MGAT4C: variants seen among roughly 807,000 people sequenced by gnomAD.
MGAT4C encodes alpha-1,3-mannosyl-glycoprotein 4-beta-N-acetylglucosaminyltransferase C.
Under a neutral mutation model 40.1 loss-of-function variants are expected in MGAT4C, and 19 were observed. That is an observed-to-expected ratio of 0.47 (90% confidence interval 0.33 to 0.70). MGAT4C has a LOEUF of 0.70. MGAT4C is among the 30% of genes least tolerant of loss of function. The pLI is 0.02. For synonymous variants in MGAT4C, 181 were observed against 187.1 expected, an observed-to-expected ratio of 0.97 and a Z score of 0.27; for missense variants, 491 against 563.2, an observed-to-expected ratio of 0.87 and a Z score of 1.30.
intron 3 of MGAT4C, among the ~76,000 whole-genome samples, chr12:86,341,663 G>C (rs1358733453): frequency 6.6e-6 from 1 of 152,114 alleles, no homozygotes; most frequent in African/African-American, 2.4e-5. Flanking sequence ...AGGAGCCTTT[G>C]CCATTCCAGC....
intron 2 of MGAT4C, among the ~76,000 whole-genome samples, chr12:86,518,510 A>T (rs1433608419): frequency 5.9e-5 from 9 of 152,226 alleles, no homozygotes; most frequent in Admixed American, 4.6e-4. Context: ...CCATTATAAT[A>T]GCTAAACTCA....
intron 2 of MGAT4C, among the ~76,000 whole-genome samples, chr12:86,679,567 C>T (rs1182502161): frequency 1.3e-5 from 2 of 151,862 alleles, no homozygotes; most frequent in Non-Finnish European, 2.9e-5. Context: ...AAATCCTGTC[C>T]CCCAAGATGA....
chr12:86,297,016 G>A (rs1457004598), intron 4 of MGAT4C, among the ~76,000 whole-genome samples: 1 of 152,202 alleles, frequency 6.6e-6, no homozygotes, highest in Non-Finnish European at 1.5e-5. Context: ...ACAAGTTTAA[G>A]TTGTAGATAT....
intron 2 of MGAT4C, among the ~76,000 whole-genome samples, chr12:86,606,083 T>G (rs78399994): frequency 0.026 from 3,908 of 152,006 alleles, 81 homozygotes; most frequent in Non-Finnish European, 0.036. Context: ...GAGCCTCTTA[T>G]AAAACCATTA....
At chr12:86,188,917 A>G (rs1233530923) in intron 1 of MGAT4C, among the ~76,000 whole-genome samples, 1 of 151,960 alleles carries the variant, frequency 6.6e-6, no homozygotes, top group African/African-American at 2.4e-5. Context: ...AAATAAGTTT[A>G]TAAATAATGC....
chr12:86,638,515 C>A (rs1189351147), intron 2 of MGAT4C, among the ~76,000 whole-genome samples: 1 of 151,668 alleles, frequency 6.6e-6, no homozygotes, highest in Non-Finnish European at 1.5e-5. Flanking sequence ...GGATTAGTAC[C>A]TTTATAAGAA....
chr12:86,319,638 T>C (rs1315929270), intron 4 of MGAT4C, among the ~76,000 whole-genome samples: 1 of 152,178 alleles, frequency 6.6e-6, no homozygotes, highest in African/African-American at 2.4e-5. Flanking sequence ...CACTAGGATG[T>C]TGTCTCTATT....
intron 1 of MGAT4C, among the ~76,000 whole-genome samples, chr12:86,051,940 T>C (rs991610377): frequency 6.6e-6 from 1 of 151,728 alleles, no homozygotes; most frequent in Admixed American, 6.6e-5. Flanking sequence ...TGTGCTAGCA[T>C]AAAATATTTC....
intron 2 of MGAT4C, among the ~76,000 whole-genome samples, chr12:86,466,329 A>T (rs1244780141): frequency 6.6e-6 from 1 of 152,242 alleles, no homozygotes. Context: ...ATACTGTGGT[A>T]CATCCAGTCA....
intron 4 of MGAT4C, among the ~76,000 whole-genome samples, chr12:86,264,155 T>A (rs939755940): frequency 1.3e-5 from 2 of 152,202 alleles, no homozygotes; most frequent in African/African-American, 4.8e-5. Flanking sequence ...CTGTTGATTG[T>A]TTCTTTTGCT....
chr12:86,238,076 C>G (rs1398973335), intron 1 of MGAT4C, among the ~76,000 whole-genome samples: 3 of 151,804 alleles, frequency 2.0e-5, no homozygotes, highest in Non-Finnish European at 4.4e-5. Flanking sequence ...AGTCATTTCC[C>G]TTTACTTTTT....
At chr12:86,242,957 A>G (rs1951851792) in intron 1 of MGAT4C, among the ~76,000 whole-genome samples, 1 of 152,182 alleles carries the variant, frequency 6.6e-6, no homozygotes, top group African/African-American at 2.4e-5. Context: ...TAAGCAGATT[A>G]ACATTAAGGT....
rs541657897 is a variant in MGAT4C, at chr12:85,973,140, A to T, written c.*6149T>A. ...GAACTGCCACATATCTCTGTGCCATACTTTTGGTACCTTCATAATAAACGG... is the reference window on the plus strand; with the variant it reads ...GAACTGCCACATATCTCTGTGCCATTCTTTTGGTACCTTCATAATAAACGG... On this transcript the variant is annotated 3_prime_UTR_variant, in exon 5 of 5. Coordinates refer to ENST00000611864, the MANE Select transcript of MGAT4C (RefSeq NM_001351288.2). 20 of 150,882 alleles carry T rather than the reference A, an allele frequency of 1.3e-4. No individual in the cohort carries two copies. The South Asian group carries it at 4.2e-3, about 31-fold the overall frequency. 9.3% of individuals were successfully genotyped at this position (150,882 alleles called of 1,614,324 possible).
intron 2 of MGAT4C, among the ~76,000 whole-genome samples, chr12:86,522,833 G>A (rs1377733663): frequency 6.6e-6 from 1 of 151,828 alleles, no homozygotes; most frequent in African/African-American, 2.4e-5. Flanking sequence ...AGGAGGCTGG[G>A]GATGTCTGTG....
intron 4 of MGAT4C, among the ~76,000 whole-genome samples, chr12:86,320,419 T>A (rs963415888): frequency 6.6e-6 from 1 of 152,174 alleles, no homozygotes; most frequent in African/African-American, 2.4e-5. Context: ...CATTTTCTTT[T>A]CATACTATTA....
chr12:86,272,914 C>A (rs1952985301), intron 4 of MGAT4C, among the ~76,000 whole-genome samples: 1 of 152,044 alleles, frequency 6.6e-6, no homozygotes, highest in Non-Finnish European at 1.5e-5. Flanking sequence ...AGATGGCGGA[C>A]AAAGGACCTG....
intron 4 of MGAT4C, among the ~76,000 whole-genome samples, chr12:86,300,148 A>C (rs1953774774): frequency 6.6e-6 from 1 of 152,180 alleles, no homozygotes; most frequent in African/African-American, 2.4e-5. Context: ...CAAAGCACCC[A>C]GTGTGAAATG....
At chr12:86,388,493 A>G (rs975198933) in intron 3 of MGAT4C, among the ~76,000 whole-genome samples, 1 of 152,056 alleles carries the variant, frequency 6.6e-6, no homozygotes, top group African/African-American at 2.4e-5. Context: ...TAACTTGTAA[A>G]GCATTTCTTG....
chr12:86,340,688 T>C (rs1954888574), intron 3 of MGAT4C, among the ~76,000 whole-genome samples: 1 of 152,120 alleles, frequency 6.6e-6, no homozygotes, highest in African/African-American at 2.4e-5. Context: ...ATATCATTAT[T>C]GATGACTCTT....
Sources: gnomAD v4.1 joint callset for allele counts (sites outside exome capture counted in the v4.1 genomes callset) on GRCh38, gnomAD v4.1.1 for gene constraint, MANE v1.5 for transcripts, NCBI Gene and HGNC (gene_info 2026-07-23, HGNC 2026-07-21) for gene names.